Variants in PCDH15 observed in about 807,000 individuals in gnomAD.
The protein encoded by PCDH15 is protocadherin-15.
PCDH15 carries 129 observed loss-of-function variants against 178.5 expected under a neutral mutation model. That is an observed-to-expected ratio of 0.72 (90% CI 0.63 to 0.84). The LOEUF (loss-of-function observed/expected upper bound fraction) is 0.84. PCDH15 is among the 40% of genes least tolerant of loss of function. PCDH15 has a pLI of 0.00. For synonymous variants in PCDH15, 800 were observed against 732.0 expected, an observed-to-expected ratio of 1.09 and a Z score of -1.50; for missense variants, 2,230 against 2,099.9, an observed-to-expected ratio of 1.06 and a Z score of -1.21.
intron 2 of PCDH15, among the ~76,000 whole-genome samples, chr10:55,554,864 G>T (rs1842061665): frequency 6.6e-6 from 1 of 151,814 alleles, no homozygotes; most frequent in African/African-American, 2.4e-5. Flanking sequence ...AGCTCTTCTT[G>T]GCATTCCTCT....
Position 55,263,119 on chromosome 10 carries a change from A to G in PCDH15, c.-156+56480T>C, listed in dbSNP as rs1028333816. On this transcript the variant is annotated intron_variant, in intron 1 of 5. Coordinates refer to the PCDH15 transcript ENST00000458638. The stretch of plus-strand genomic sequence containing the variant: ...ATCCTGGAAGGTGAATACAAATGTG[A>G]AACTATAGAATCAGTCTCTGTTGTA... Among the ~76,000 whole-genome samples the G allele has an allele frequency of 3.9e-5, 6 of 152,074 alleles. No homozygotes were observed. In the East Asian group the frequency reaches 9.7e-4, roughly 24 times the overall value.
At chr10:55,534,879 A>G (rs1841536097) in intron 2 of PCDH15, among the ~76,000 whole-genome samples, 1 of 152,168 alleles carries the variant, frequency 6.6e-6, no homozygotes. Flanking sequence ...ACTACTACAC[A>G]GCCATAAAAA....
intron 13 of PCDH15, among the ~76,000 whole-genome samples, chr10:54,156,053 G>A (rs944231562): frequency 2.0e-5 from 3 of 152,132 alleles, no homozygotes; most frequent in African/African-American, 7.2e-5. Flanking sequence ...ACATGGGGAG[G>A]CCAATATTTT....
chr10:54,126,835 CTTTAA>C (rs2042031955), intron 15 of PCDH15, among the ~76,000 whole-genome samples: 2 of 151,876 alleles, frequency 1.3e-5, no homozygotes, highest in African/African-American at 2.4e-5. Flanking sequence ...GCATATTATT[CTTTAA>C]TTTTTGTTTT....
intron 32 of PCDH15, among the ~76,000 whole-genome samples, chr10:53,826,191 T>C (rs2076668586): frequency 6.6e-6 from 1 of 151,940 alleles, no homozygotes; most frequent in Admixed American, 6.6e-5. Flanking sequence ...GGTGAAAGCA[T>C]ATATCTAAAG....
chr10:55,085,526 T>G (rs972390494), intron 2 of PCDH15, among the ~76,000 whole-genome samples: 1 of 151,948 alleles, frequency 6.6e-6, no homozygotes, highest in African/African-American at 2.4e-5. Context: ...GAGAAATGCT[T>G]GAGGTGATAG....
intron 13 of PCDH15, among the ~76,000 whole-genome samples, chr10:54,176,542 A>G (rs1199462270): frequency 1.3e-5 from 2 of 152,180 alleles, no homozygotes; most frequent in Admixed American, 6.6e-5. Flanking sequence ...CCTATATATT[A>G]TTCTCGGATT....
chr10:54,938,292 G>GCTTTCACATGC (rs1443068482), intron 2 of PCDH15, among the ~76,000 whole-genome samples: 7 of 125,598 alleles, frequency 5.6e-5, no homozygotes, highest in South Asian at 2.6e-4. Context: ...TTTCGGTTTA[G>GCTTTCACATGC]CATAGTGTAT....
chr10:54,523,954 G>A (rs2083132063), intron 3 of PCDH15, among the ~76,000 whole-genome samples: 2 of 152,140 alleles, frequency 1.3e-5, no homozygotes, highest in Admixed American at 6.6e-5. Flanking sequence ...AAGAGAGCCC[G>A]TGTAAGGAAG....
chr10:54,040,016 A>G (rs992315464), intron 18 of PCDH15, among the ~76,000 whole-genome samples: 1 of 151,982 alleles, frequency 6.6e-6, no homozygotes, highest in Non-Finnish European at 1.5e-5. Context: ...TATCCATTGC[A>G]CTCATTTATT....
chr10:55,109,972 T>C (rs895811449), intron 2 of PCDH15, among the ~76,000 whole-genome samples: 28 of 151,714 alleles, frequency 1.8e-4, no homozygotes, highest in African/African-American at 6.7e-4. Flanking sequence ...TATAAACATT[T>C]AACATAATTC....
chr10:54,622,881 C>A (rs2093432394), intron 2 of PCDH15, among the ~76,000 whole-genome samples: 1 of 145,456 alleles, frequency 6.9e-6, no homozygotes, highest in South Asian at 2.1e-4. Context: ...TCTTTCACAA[C>A]CTCCTCTTTC....
chr10:54,195,101 C>T (rs1239588265), intron 11 of PCDH15, among the ~76,000 whole-genome samples: 3 of 152,096 alleles, frequency 2.0e-5, no homozygotes, highest in Non-Finnish European at 1.5e-5. Context: ...TTCACTCTGG[C>T]TAAGGAGGTA....
intron 4 of PCDH15, among the ~76,000 whole-genome samples, chr10:54,372,287 T>C (rs921354857): frequency 6.6e-6 from 1 of 151,756 alleles, no homozygotes; most frequent in Non-Finnish European, 1.5e-5. Flanking sequence ...TCTTATCAAA[T>C]AGAGGATCAA....
chr10:54,928,584 T>C (rs551142160), intron 2 of PCDH15, among the ~76,000 whole-genome samples: 5 of 152,302 alleles, frequency 3.3e-5, no homozygotes, highest in African/African-American at 1.2e-4. Context: ...CAATGAGTCA[T>C]AGATTTGGTC....
intron 14 of PCDH15, among the ~76,000 whole-genome samples, chr10:54,147,003 A>ATAAT (rs2044037731): frequency 6.8e-6 from 1 of 147,066 alleles, no homozygotes; most frequent in Non-Finnish European, 1.5e-5. Flanking sequence ...GTATATATAT[A>ATAAT]GTGTATATAT....
At chr10:54,587,521 C>T (rs1429702259) in intron 2 of PCDH15, among the ~76,000 whole-genome samples, 1 of 137,190 alleles carries the variant, frequency 7.3e-6, no homozygotes, top group Non-Finnish European at 1.6e-5. Context: ...CAGCAAAAAC[C>T]CAAACACACA....
intron 2 of PCDH15, among the ~76,000 whole-genome samples, chr10:55,614,852 C>G (rs2463942): frequency 1 from 151,995 of 152,236 alleles, 75,877 homozygotes; most frequent in Non-Finnish European, 1. Flanking sequence ...AGGTTTACTT[C>G]GTAGGAGGGT....
In PCDH15 at chr10:54,132,041, G is replaced by A. The variant is rs1372236606; in HGVS notation, c.1917+834C>T. Among the ~76,000 whole-genome samples the A allele has an allele frequency of 2.0e-5, 3 of 152,108 alleles. No homozygotes were observed. In the East Asian group the frequency reaches 5.8e-4, roughly 29 times the overall value. On this transcript the variant is annotated intron_variant, in intron 15 of 37. Transcript: ENST00000644397. ...GTTAAAATCTCCCCTAGGCTTTAAG[G>A]CCAGCTTCATGAATTCTCATATCAG...
Sources: allele counts gnomAD v4.1 joint callset (sites outside exome capture counted in the v4.1 genomes callset), GRCh38; gene constraint gnomAD v4.1.1; transcripts MANE v1.5; gene names NCBI Gene and HGNC (gene_info 2026-07-23, HGNC 2026-07-21).